Variants in GBE1 observed in about 807,000 individuals in gnomAD.
GBE1 encodes 1,4-alpha-glucan branching enzyme 1.
Under a neutral mutation model 88.8 loss-of-function variants are expected in GBE1, and 70 were observed. The ratio of observed to expected loss-of-function variants is 0.79; its 90% CI spans 0.65 to 0.96. GBE1 has a LOEUF of 0.96. Among genes scored for constraint, GBE1 ranks in the 40% least tolerant of loss-of-function variants. The pLI is 0.00. For synonymous variants in GBE1, 284 were observed against 300.1 expected, an observed-to-expected ratio of 0.95 and a Z score of 0.56; for missense variants, 872 against 871.0, an observed-to-expected ratio of 1.00 and a Z score of -0.01.
chr3:81,564,764 T>A (rs1184529509), intron 12 of GBE1, among the ~76,000 whole-genome samples: 1 of 152,082 alleles, frequency 6.6e-6, no homozygotes, highest in Non-Finnish European at 1.5e-5. Context: ...GCTGAGGACA[T>A]TCTCTCGCCT....
At chr3:81,724,270 C>G (rs1706078067) in intron 1 of GBE1, among the ~76,000 whole-genome samples, 1 of 152,076 alleles carries the variant, frequency 6.6e-6, no homozygotes, top group Non-Finnish European at 1.5e-5. Context: ...TTAAGTGGAA[C>G]TAGGTTTGTC....
intron 9 of GBE1, among the ~76,000 whole-genome samples, chr3:81,589,237 G>A (rs1703842405): frequency 6.6e-6 from 1 of 151,806 alleles, no homozygotes. Context: ...AATTAATATA[G>A]CAAATATAAT....
chr3:81,686,965 C>A (rs1705451845), intron 2 of GBE1, among the ~76,000 whole-genome samples: 1 of 152,094 alleles, frequency 6.6e-6, no homozygotes, highest in Admixed American at 6.6e-5. Context: ...CCTTTTGTCA[C>A]ATACTACACG....
chr3:81,584,030 CAATA>C, intron 10 of GBE1, among the ~76,000 whole-genome samples: 1 of 151,782 alleles, frequency 6.6e-6, no homozygotes. Flanking sequence ...ACTAGGTGCT[CAATA>C]AATATTTGGT....
At chr3:81,717,897 T>C (rs1705962418) in intron 1 of GBE1, among the ~76,000 whole-genome samples, 1 of 152,068 alleles carries the variant, frequency 6.6e-6, no homozygotes, top group African/African-American at 2.4e-5. Context: ...TATTTTTTCT[T>C]AAAATAAAAT....
At chr3:81,653,577 T>C (rs1489996666) in intron 3 of GBE1, among the ~76,000 whole-genome samples, 1 of 152,128 alleles carries the variant, frequency 6.6e-6, no homozygotes, top group African/African-American at 2.4e-5. Flanking sequence ...AATCAAGATA[T>C]GTGCTCAAAA....
chr3:81,684,025 A>C (rs950670043), intron 2 of GBE1, among the ~76,000 whole-genome samples: 3 of 152,258 alleles, frequency 2.0e-5, no homozygotes, highest in Non-Finnish European at 4.4e-5. Context: ...TTCCAGTAGC[A>C]GTAGTTATGG....
At chr3:81,624,050 T>C (rs1401251240) in intron 7 of GBE1, among the ~76,000 whole-genome samples, 1 of 152,076 alleles carries the variant, frequency 6.6e-6, no homozygotes, top group African/African-American at 2.4e-5. Context: ...AGGTAATTTA[T>C]AAAGGAAAAA....
intron 6 of GBE1, among the ~76,000 whole-genome samples, 177 bp downstream of exon 6, chr3:81,646,215 T>C (rs1175799466): frequency 2.6e-5 from 4 of 152,192 alleles, no homozygotes; most frequent in African/African-American, 7.2e-5. Context: ...TCAAGGACAA[T>C]TTCTAAGGCT....
intron 12 of GBE1, among the ~76,000 whole-genome samples, chr3:81,549,731 A>C (rs1319420651): frequency 6.6e-6 from 1 of 151,606 alleles, no homozygotes; most frequent in Non-Finnish European, 1.5e-5. Context: ...AATTCCATCA[A>C]AGCCAACCAA....
intron 1 of GBE1, among the ~76,000 whole-genome samples, chr3:81,748,436 C>T (rs1389150272): frequency 6.6e-6 from 1 of 151,292 alleles, no homozygotes; most frequent in African/African-American, 2.5e-5. Flanking sequence ...ACTGTGAAAC[C>T]CCGTCTCTAC....
At chr3:81,718,695 G>A (rs1705977633) in intron 1 of GBE1, among the ~76,000 whole-genome samples, 1 of 152,052 alleles carries the variant, frequency 6.6e-6, no homozygotes, top group Non-Finnish European at 1.5e-5. Flanking sequence ...GGAGTGAAAT[G>A]GCACAATCTT....
At chr3:81,562,528 C>A (rs573435535) in intron 12 of GBE1, among the ~76,000 whole-genome samples, 43 of 152,138 alleles carry the variant, frequency 2.8e-4, no homozygotes, top group Admixed American at 2.1e-3. Context: ...TACATTTCCC[C>A]TAGGTGTGAA....
At position 81,761,562 on chromosome 3, in the gene GBE1, G is replaced by A. The variant is rs2107251138; in HGVS notation, c.-45C>T. ...AGCCGAGGCCCGAGAGGTCGAGTGG[G>A]GCCTGAGCGGGCGCTGGAGCTCTAG... On this transcript the variant is annotated 5_prime_UTR_variant, in exon 1 of 16. Transcript: ENST00000429644. The A allele has an allele frequency of 6.4e-7, 1 of 1,566,116 alleles. No homozygotes were observed. Among genetic ancestry groups the A allele is most frequent in the Non-Finnish European group, 8.6e-7 (1 of 1,158,626 alleles).
intron 10 of GBE1, among the ~76,000 whole-genome samples, chr3:81,583,415 T>C (rs1703759963): frequency 1.3e-5 from 2 of 152,106 alleles, no homozygotes; most frequent in Admixed American, 6.6e-5. Flanking sequence ...AAAAAATGAG[T>C]ACACACATGT....
chr3:81,506,968 C>A (rs1702662757), intron 14 of GBE1, among the ~76,000 whole-genome samples: 1 of 152,012 alleles, frequency 6.6e-6, no homozygotes, highest in Non-Finnish European at 1.5e-5. Flanking sequence ...CTAATGGGTA[C>A]TAGGCTTAAT....
At chr3:81,727,116 A>G (rs568993743) in intron 1 of GBE1, among the ~76,000 whole-genome samples, 4 of 152,190 alleles carry the variant, frequency 2.6e-5, no homozygotes, top group Non-Finnish European at 5.9e-5. Flanking sequence ...AGACAGTTCA[A>G]TGTCCAGGAT....
At chr3:81,547,130 G>A (rs1017167859) in intron 12 of GBE1, among the ~76,000 whole-genome samples, 2 of 151,470 alleles carry the variant, frequency 1.3e-5, no homozygotes, top group African/African-American at 2.4e-5. Context: ...GCATATACCC[G>A]AGTGAAGAGT....
intron 1 of GBE1, among the ~76,000 whole-genome samples, chr3:81,747,609 C>T (rs1368873241): frequency 2.0e-5 from 3 of 152,190 alleles, no homozygotes; most frequent in Admixed American, 6.5e-5. Flanking sequence ...TGCACGTATA[C>T]GCCCAGATGG....
Sources: allele counts gnomAD v4.1 joint callset (sites outside exome capture counted in the v4.1 genomes callset), GRCh38; gene constraint gnomAD v4.1.1; transcripts MANE v1.5; gene names NCBI Gene and HGNC (gene_info 2026-07-23, HGNC 2026-07-21).